The following PCDHA1 variants were observed in gnomAD, a reference collection of about 807,000 sequenced individuals.
The protein encoded by PCDHA1 is protocadherin alpha-1.
A neutral mutation model predicts 61.3 loss-of-function variants in PCDHA1; 42 were observed. The observed-to-expected ratio is 0.69, with a 90% CI of 0.54 to 0.89. The LOEUF (loss-of-function observed/expected upper bound fraction) is 0.89. Among genes scored for constraint, PCDHA1 ranks in the 40% least tolerant of loss-of-function variants. The pLI is 0.00. For missense variants in PCDHA1, 1,256 were observed against 1,235.3 expected (o/e 1.02, Z -0.25); for synonymous variants, 610 against 553.8 (o/e 1.10, Z -1.43).
At chr5:140,802,125 T>A (rs2149956675) in intron 1 of PCDHA1, 1 of 1,614,178 alleles carries the variant, frequency 6.2e-7, no homozygotes, top group East Asian at 2.2e-5. Flanking sequence ...TAACATAGAT[T>A]TCGAGGAAAG....
intron 3 of PCDHA1, among the ~76,000 whole-genome samples, chr5:140,999,867 C>A (rs1269782566): frequency 1.3e-5 from 2 of 152,190 alleles, no homozygotes; most frequent in African/African-American, 4.8e-5. Context: ...TCCAAGATTA[C>A]TGAAAATTAG....
Position 140,853,522 on chromosome 5 carries a change from C to T in PCDHA1, c.2394+64838C>T, listed in dbSNP as rs1217727658. Reference sequence around the variant, plus strand: ...TCATGAAACAATAATGAAGCTCCTCCTATGTCTCTTTTCAAGTTGTAATTA... The same window carrying T: ...TCATGAAACAATAATGAAGCTCCTCTTATGTCTCTTTTCAAGTTGTAATTA... On this transcript the variant is annotated intron_variant, in intron 1 of 3. Coordinates refer to ENST00000504120, the MANE Select transcript of PCDHA1 (RefSeq NM_018900.4). 4.1e-6 allele frequency: 4 copies of T among 977,898 alleles called. No homozygotes were observed. In the African/African-American group the frequency reaches 5.3e-5, roughly 13 times the overall value. The allele number at this position is 977,898 out of a possible 1,614,324, so 60.6% of individuals were successfully genotyped here.
At chr5:140,808,056 AATCCAAGTTTCACATAG>A in intron 1 of PCDHA1, 1 of 1,614,090 alleles carries the variant, frequency 6.2e-7, no homozygotes, top group South Asian at 1.1e-5. Flanking sequence ...CCAAATGTGA[AATCCAAGTTTCACATAG>A]ATCCAATTAC....
At chr5:140,798,301 A>G (rs1188009123) in intron 1 of PCDHA1, among the ~76,000 whole-genome samples, 2 of 152,252 alleles carry the variant, frequency 1.3e-5, no homozygotes, top group Non-Finnish European at 2.9e-5. Context: ...TATGTTTTTT[A>G]TAAGTAAAAT....
At chr5:140,916,688 C>G (rs1422583302) in intron 1 of PCDHA1, among the ~76,000 whole-genome samples, 3 of 152,180 alleles carry the variant, frequency 2.0e-5, no homozygotes, top group Admixed American at 6.5e-5. Flanking sequence ...TTACTCTTTT[C>G]TCTCCTCTCC....
intron 1 of PCDHA1, among the ~76,000 whole-genome samples, chr5:140,963,607 G>A (rs558578531): frequency 2.0e-5 from 3 of 152,306 alleles, no homozygotes; most frequent in Non-Finnish European, 4.4e-5. Context: ...GACGTAATTG[G>A]GAAAGCTTAA....
intron 1 of PCDHA1, among the ~76,000 whole-genome samples, chr5:140,976,863 T>G (rs116630325): frequency 0.028 from 4,205 of 152,320 alleles, 87 homozygotes; most frequent in Non-Finnish European, 0.044. Flanking sequence ...GAGTTTACTG[T>G]CTGACAAAGA....
chr5:140,944,095 A>AT (rs2093609322), intron 1 of PCDHA1, among the ~76,000 whole-genome samples: 1 of 152,250 alleles, frequency 6.6e-6, no homozygotes. Context: ...GAGTAAGTTT[A>AT]TATCTCATGG....
At chr5:140,803,195 G>T in intron 1 of PCDHA1, 2 of 1,613,906 alleles carry the variant, frequency 1.2e-6, no homozygotes, top group South Asian at 1.1e-5. Flanking sequence ...CCACTGTGCT[G>T]GTGTCGCTGG....
chr5:141,001,253 C>G (rs896546841), intron 3 of PCDHA1, among the ~76,000 whole-genome samples: 1 of 152,078 alleles, frequency 6.6e-6, no homozygotes, highest in East Asian at 1.9e-4. Context: ...CCCTATGGGG[C>G]GGGCACTCTT....
intron 1 of PCDHA1, chr5:140,796,287 G>A (rs1318266342): frequency 6.8e-6 from 11 of 1,614,024 alleles, no homozygotes; most frequent in Non-Finnish European, 9.3e-6. Flanking sequence ...CCACCAGCGT[G>A]TCCATCGAGG....
chr5:141,000,462 T>C (rs1554257607), intron 3 of PCDHA1, among the ~76,000 whole-genome samples: 1 of 139,384 alleles, frequency 7.2e-6, no homozygotes, highest in Non-Finnish European at 1.5e-5. Flanking sequence ...AGTTTTGCTC[T>C]TGTTGCCCAA....
chr5:140,934,688 A>G (rs1554210048), intron 1 of PCDHA1, among the ~76,000 whole-genome samples: 2 of 152,186 alleles, frequency 1.3e-5, no homozygotes, highest in African/African-American at 4.8e-5. Flanking sequence ...CAAAACAATG[A>G]ATTGATTCCT....
chr5:140,797,495 C>T, intron 1 of PCDHA1: 2 of 933,764 alleles, frequency 2.1e-6, no homozygotes, highest in Middle Eastern at 3.2e-4. Flanking sequence ...AATTAGAGAT[C>T]AATTTATTGC....
chr5:140,884,125 C>T (rs1554181246), intron 1 of PCDHA1: 1 of 1,613,416 alleles, frequency 6.2e-7, no homozygotes, highest in Admixed American at 1.7e-5. Context: ...TCGGCGCGCG[C>T]ATCCCGTTCC....
At position 140,998,145 on chromosome 5, in the gene PCDHA1, A is replaced by G. The variant is rs115385085; in HGVS notation, c.2543-11482A>G. ...GAATCATAATAGCTAACCTGTACTG[A>G]ACAGTTAAGCCATGTGCCAAGTATT... On this transcript the variant is annotated intron_variant, in intron 3 of 3. Transcript: ENST00000504120. 2.1e-3 allele frequency among the ~76,000 whole-genome samples: 325 copies of G among 152,342 alleles called. 2 individuals carry two copies. Among genetic ancestry groups the G allele is most frequent in the African/African-American group, 7.1e-3 (294 of 41,566 alleles).
chr5:140,876,662 T>G (rs782771484), intron 1 of PCDHA1: 23 of 1,614,114 alleles, frequency 1.4e-5, no homozygotes, highest in Non-Finnish European at 1.9e-5. Context: ...CCCTTCAAGC[T>G]GGTGTCCACC....
chr5:140,967,969 C>T (rs997628696), intron 1 of PCDHA1: 3 of 1,614,064 alleles, frequency 1.9e-6, no homozygotes, highest in African/African-American at 1.3e-5. Flanking sequence ...GGAAAGTGAG[C>T]CTGGGTCTGG....
rs139974024 is a variant in PCDHA1 at position 140,967,301 on chromosome 5, G to A, written c.2395-11648G>A. 5.0e-5 allele frequency: 81 copies of A among 1,612,148 alleles called. No homozygotes were observed. In the African/African-American group the frequency reaches 9.1e-4, roughly 18 times the overall value. ...GAGTGCGCAGGACCCCGACGTGGGC[G>A]CCAACTCAGTACAGACCTACGAGCT... On this transcript the variant is annotated intron_variant, in intron 1 of 3. Coordinates refer to ENST00000504120, the MANE Select transcript of PCDHA1 (RefSeq NM_018900.4).
Sources: gnomAD v4.1 joint callset for allele counts (sites outside exome capture counted in the v4.1 genomes callset) on GRCh38, gnomAD v4.1.1 for gene constraint, MANE v1.5 for transcripts, NCBI Gene and HGNC (gene_info 2026-07-23, HGNC 2026-07-21) for gene names.